The following EXPH5 variants were observed in gnomAD, a reference collection of about 807,000 sequenced individuals.
EXPH5 encodes the protein exophilin-5.
EXPH5 carries 42 observed loss-of-function variants against 41.1 expected under a neutral mutation model. The observed-to-expected ratio is 1.02, with a 90% confidence interval of 0.80 to 1.32. EXPH5 has a LOEUF of 1.32. Among genes scored for constraint, EXPH5 ranks in the 40% most tolerant of loss-of-function variants. EXPH5 has a pLI of 0.00. For synonymous variants in EXPH5, 798 were observed against 833.5 expected (o/e 0.96, Z 0.73); for missense variants, 2,298 against 2,314.5 (o/e 0.99, Z 0.15).
chr11:108,544,281 C>G (rs1421286131), intron 1 of EXPH5, among the ~76,000 whole-genome samples: 3 of 152,148 alleles, frequency 2.0e-5, no homozygotes, highest in Non-Finnish European at 4.4e-5. Context: ...CCTTGACCTC[C>G]TAGGCTCAAG....
chr11:108,578,060 A>G (rs1188059395), intron 1 of EXPH5, among the ~76,000 whole-genome samples: 3 of 151,954 alleles, frequency 2.0e-5, no homozygotes, highest in Admixed American at 6.6e-5. Flanking sequence ...ACATTTGTCA[A>G]TTTTTGCTTT....
chr11:108,518,187 TC>T, intron 5 of EXPH5, 47 bp downstream of exon 5: 1 of 1,559,390 alleles, frequency 6.4e-7, no homozygotes, highest in African/African-American at 1.4e-5. Context: ...ATTGTTTACT[TC>T]CTTTAGTTAT....
intron 4 of EXPH5, among the ~76,000 whole-genome samples, chr11:108,526,340 C>T (rs1295750469): frequency 2.6e-5 from 4 of 152,160 alleles, no homozygotes; most frequent in South Asian, 2.1e-4. Flanking sequence ...GAAATGGTTT[C>T]GTGCAAGTGG....
chr11:108,553,922 G>GTTA (rs2136063896), intron 1 of EXPH5, among the ~76,000 whole-genome samples: 1 of 152,274 alleles, frequency 6.6e-6, no homozygotes, highest in South Asian at 2.1e-4. Flanking sequence ...GGCCAGGCAC[G>GTTA]TTACACGTAT....
chr11:108,550,966 G>A (rs991980750), intron 1 of EXPH5, among the ~76,000 whole-genome samples: 7 of 152,046 alleles, frequency 4.6e-5, no homozygotes, highest in Admixed American at 1.3e-4. Flanking sequence ...TTATAAAGCC[G>A]AAAGAGGTCT....
At chr11:108,592,657 T>G (rs2094130181) in intron 1 of EXPH5, among the ~76,000 whole-genome samples, 1 of 152,224 alleles carries the variant, frequency 6.6e-6, no homozygotes, top group African/African-American at 2.4e-5. Context: ...TAATTATCTG[T>G]GTCTCTGGAT....
chr11:108,517,037 G>A (rs1227889845), intron 5 of EXPH5, among the ~76,000 whole-genome samples: 3 of 152,122 alleles, frequency 2.0e-5, no homozygotes, highest in Non-Finnish European at 2.9e-5. Flanking sequence ...TTGACTACAA[G>A]AGCAGAATGT....
chr11:108,546,823 ATT>A (rs5794595), intron 1 of EXPH5, among the ~76,000 whole-genome samples: 6,640 of 144,736 alleles, frequency 0.046, 487 homozygotes, highest in African/African-American at 0.15. Flanking sequence ...ATTTTCTATT[ATT>A]TTTTTTTTTT....
At chr11:108,526,699 G>T (rs966753420) in intron 4 of EXPH5, among the ~76,000 whole-genome samples, 4 of 152,246 alleles carry the variant, frequency 2.6e-5, no homozygotes, top group African/African-American at 9.6e-5. Flanking sequence ...CTGAGGAGCT[G>T]CTGGCATTAC....
intron 1 of EXPH5, among the ~76,000 whole-genome samples, chr11:108,556,102 TG>T (rs2093988547): frequency 6.6e-6 from 1 of 152,212 alleles, no homozygotes; most frequent in East Asian, 1.9e-4. Flanking sequence ...GCATCTTGCC[TG>T]GCAGAACAAT....
chr11:108,528,276 C>CA, intron 3 of EXPH5, 92 bp from the exon 4 acceptor site: 1 of 824,124 alleles, frequency 1.2e-6, no homozygotes, highest in Non-Finnish European at 2.1e-6. Flanking sequence ...AAGATTTTGA[C>CA]ACCTTGAGAA....
Position 108,514,362 on chromosome 11 carries a change from C to T in EXPH5, c.1145G>A (p.Arg382Lys), listed in dbSNP as rs2135929436. 6.2e-7 allele frequency: 1 copy of T among 1,613,802 alleles called. No homozygotes were observed. Among genetic ancestry groups the T allele is most frequent in the South Asian group, 1.1e-5 (1 of 90,976 alleles). ...CCTCAGGAACTCTTCCTGGTTCTCC[C>T]TGTCTCTAGAGGAATCTGATCTGTT... ...IWNRSDSSRD[R>K]ENQEEFLRAP... The change falls in exon 6 of 6, where the codon AGG becomes AAG. Residue 382 changes from arginine to lysine, a missense_variant. By Grantham distance (26) the Arg-to-Lys change is conservative. Transcript: ENST00000265843.
chr11:108,545,862 C>A (rs2093935935), intron 1 of EXPH5, among the ~76,000 whole-genome samples: 2 of 151,710 alleles, frequency 1.3e-5, no homozygotes, highest in Admixed American at 6.6e-5. Context: ...AGGATCATAC[C>A]ACTGCACTCC....
the EXPH5 span, among the ~76,000 whole-genome samples, chr11:108,606,965 A>G: frequency 1.3e-5 from 2 of 152,190 alleles, no homozygotes; most frequent in Admixed American, 6.5e-5. Flanking sequence ...CATTGTGACC[A>G]CTAAGAGTCA....
At position 108,512,524 on chromosome 11, in the gene EXPH5, G is replaced by A. The variant is rs749212287; in HGVS notation, c.2983C>T (p.Pro995Ser). The A allele has an allele frequency of 2.5e-6, 4 of 1,613,494 alleles. No individual in the cohort carries two copies. The African/African-American group carries it at 4.0e-5, about 16-fold the overall frequency. Residue 995 changes from proline (P) to serine (S), a missense_variant, in exon 6 of 6, where the codon CCC becomes TCC. By Grantham distance (74) the Pro-to-Ser change is moderately conservative (BLOSUM62 -1). Coordinates refer to ENST00000265843, the MANE Select transcript of EXPH5 (RefSeq NM_015065.3). ...ATGAGGCTCCTGTGATCACTGGTGG[G>A]TACTGATATACTTTCTGTTTTGCTT... ...KLSKTESISV[P>S]TSDHRSLIEA...
chr11:108,600,206 T>C, the EXPH5 span, among the ~76,000 whole-genome samples: 4 of 152,198 alleles, frequency 2.6e-5, no homozygotes, highest in African/African-American at 4.8e-5. Context: ...AGGAGTGAGA[T>C]TGAAAGTTAA....
At chr11:108,576,274 A>C (rs1011158179) in intron 1 of EXPH5, among the ~76,000 whole-genome samples, 5 of 152,248 alleles carry the variant, frequency 3.3e-5, no homozygotes, top group Non-Finnish European at 5.9e-5. Flanking sequence ...AATACATGTT[A>C]TAAGGTGGAT....
At chr11:108,551,063 C>A (rs924401173) in intron 1 of EXPH5, among the ~76,000 whole-genome samples, 2 of 152,132 alleles carry the variant, frequency 1.3e-5, no homozygotes, top group Non-Finnish European at 2.9e-5. Flanking sequence ...TGAGCTCTTG[C>A]CATCTGCCGG....
chr11:108,519,407 T>C (rs989095616), intron 4 of EXPH5, among the ~76,000 whole-genome samples: 1 of 152,162 alleles, frequency 6.6e-6, no homozygotes, highest in Non-Finnish European at 1.5e-5. Context: ...ACGTTGTACC[T>C]ATTTTTTCAA....
Sources: gnomAD v4.1 joint callset for allele counts (sites outside exome capture counted in the v4.1 genomes callset) on GRCh38, gnomAD v4.1.1 for gene constraint, MANE v1.5 for transcripts, NCBI Gene and HGNC (gene_info 2026-07-23, HGNC 2026-07-21) for gene names.